Variants in KIT observed in about 807,000 individuals in gnomAD.
The protein encoded by KIT is KIT proto-oncogene, receptor tyrosine kinase.
KIT carries 16 observed loss-of-function variants against 105.7 expected under a neutral mutation model. The ratio of observed to expected loss-of-function variants is 0.15; its 90% CI spans 0.10 to 0.23. The LOEUF is 0.23. KIT is among the 10% of genes least tolerant of loss of function. The pLI is 1.00. For synonymous variants in KIT, 438 were observed against 441.1 expected (o/e 0.99, Z 0.09); for missense variants, 858 against 1,213.8 (o/e 0.71, Z 4.36).
chr4:54,738,357 C>T (rs2109817226), intron 20 of KIT, 72 bp from the exon 21 acceptor site: 2 of 1,558,312 alleles, frequency 1.3e-6, no homozygotes, highest in Non-Finnish European at 1.8e-6. Context: ...GATCTTGACA[C>T]TGTAAGTATG....
chr4:54,723,111 G>C (rs547245345), intron 7 of KIT, among the ~76,000 whole-genome samples: 103 of 152,136 alleles, frequency 6.8e-4, no homozygotes, highest in African/African-American at 2.2e-3. Flanking sequence ...TCATGTAAGA[G>C]CAAAAGAGTG....
chr4:54,680,485 C>T (rs1224041746), intron 1 of KIT, among the ~76,000 whole-genome samples: 1 of 151,010 alleles, frequency 6.6e-6, no homozygotes, highest in Non-Finnish European at 1.5e-5. Context: ...TCCGCCTCCC[C>T]AGTTCAAGCG....
At chr4:54,665,736 A>G (rs1717642753) in intron 1 of KIT, among the ~76,000 whole-genome samples, 2 of 152,126 alleles carry the variant, frequency 1.3e-5, no homozygotes, top group Non-Finnish European at 2.9e-5. Context: ...GGGTTTATTC[A>G]TTGATTATTT....
At chr4:54,727,735 C>T in intron 11 of KIT, 88 bp from the exon 12 acceptor site, 1 of 1,313,754 alleles carries the variant, frequency 7.6e-7, no homozygotes, top group Admixed American at 1.8e-5. Context: ...GTTTTTAATT[C>T]CTTTATTGAT....
chr4:54,718,308 C>T (rs1226068086), intron 7 of KIT, among the ~76,000 whole-genome samples: 1 of 152,170 alleles, frequency 6.6e-6, no homozygotes, highest in African/African-American at 2.4e-5. Flanking sequence ...ACCATGTTGG[C>T]CAGGCTGGTC....
intron 1 of KIT, among the ~76,000 whole-genome samples, chr4:54,660,507 T>C (rs185218543): frequency 2.0e-5 from 3 of 152,312 alleles, no homozygotes; most frequent in East Asian, 1.9e-4. Context: ...CCATTTTTTT[T>C]CTCATGACTC....
At chr4:54,733,998 C>T (rs147585142) in intron 17 of KIT, among the ~76,000 whole-genome samples, 1 of 152,176 alleles carries the variant, frequency 6.6e-6, no homozygotes, top group Non-Finnish European at 1.5e-5. Flanking sequence ...GTAATGTTTT[C>T]CCCCCATCAC....
intron 7 of KIT, among the ~76,000 whole-genome samples, chr4:54,710,823 G>A (rs1241624771): frequency 1.3e-5 from 2 of 152,162 alleles, no homozygotes; most frequent in Non-Finnish European, 2.9e-5. Flanking sequence ...TTATAGGCAT[G>A]AGCCACCGCG....
chr4:54,679,532 G>A (rs1718754829), intron 1 of KIT, among the ~76,000 whole-genome samples: 2 of 152,154 alleles, frequency 1.3e-5, no homozygotes, highest in Non-Finnish European at 2.9e-5. Flanking sequence ...TCTGTTCAGT[G>A]TGGGATGGAG....
chr4:54,731,147 A>G (rs1382356464), intron 14 of KIT, among the ~76,000 whole-genome samples, 181 bp from the exon 15 acceptor site: 13 of 152,212 alleles, frequency 8.5e-5, no homozygotes, highest in Non-Finnish European at 1.8e-4. Context: ...AATATCGATT[A>G]TTAAAAACTC....
chr4:54,690,778 C>T (rs926248430), intron 1 of KIT, among the ~76,000 whole-genome samples: 6 of 152,076 alleles, frequency 3.9e-5, no homozygotes, highest in Non-Finnish European at 7.4e-5. Context: ...TTTTGAAAGG[C>T]GTTCTCTTAA....
chr4:54,729,492 C>T lies in KIT; in HGVS notation c.2141+7C>T, dbSNP rs1360717801. ...ATTCAAAGGAGTCTTCCTGGTAAGA[C>T]TGATTTACATAAATAGTTAGCTGTT... On this transcript the variant is annotated splice_region_variant and intron_variant, in intron 14 of 20. Transcript: ENST00000288135. 2 of 1,612,528 alleles carry T rather than the reference C, an allele frequency of 1.2e-6. No individual in the cohort carries two copies. Among genetic ancestry groups the T allele is most frequent in the Non-Finnish European group, 1.7e-6 (2 of 1,179,382 alleles).
At chr4:54,707,484 GCA>G (rs1037018268) in intron 6 of KIT, among the ~76,000 whole-genome samples, 197 bp downstream of exon 6, 1 of 152,084 alleles carries the variant, frequency 6.6e-6, no homozygotes, top group African/African-American at 2.4e-5. Context: ...GCACACGCAT[GCA>G]CACACACACC....
intron 20 of KIT, 38 bp downstream of exon 20, chr4:54,737,318 C>A (rs1023606435): frequency 2.2e-6 from 3 of 1,350,878 alleles, no homozygotes; most frequent in South Asian, 1.2e-5. Flanking sequence ...TCCCCCTTCT[C>A]CCAGTTCCAG....
At chr4:54,663,393 T>C (rs1717437820) in intron 1 of KIT, among the ~76,000 whole-genome samples, 1 of 152,206 alleles carries the variant, frequency 6.6e-6, no homozygotes, top group African/African-American at 2.4e-5. Context: ...GCATGTAATA[T>C]GCTTAGCATA....
chr4:54,675,086 T>A (rs907927512), intron 1 of KIT, among the ~76,000 whole-genome samples: 10 of 152,218 alleles, frequency 6.6e-5, no homozygotes, highest in Admixed American at 6.5e-4. Flanking sequence ...TGACATGATA[T>A]TAATTTAGAT....
chr4:54,707,849 A>T (rs1720890803), intron 6 of KIT, among the ~76,000 whole-genome samples: 2 of 152,092 alleles, frequency 1.3e-5, no homozygotes, highest in Admixed American at 6.6e-5. Flanking sequence ...AGCCTCACAG[A>T]CTTTGTGAGT....
At chr4:54,709,667 A>T (rs1560404256) in intron 7 of KIT, 128 bp downstream of exon 7, 2 of 720,764 alleles carry the variant, frequency 2.8e-6, no homozygotes, top group African/African-American at 1.7e-5. Context: ...TGACCTTCAC[A>T]GAGACTTCGT....
intron 1 of KIT, among the ~76,000 whole-genome samples, chr4:54,658,668 T>TGG (rs1325511232): frequency 1.3e-5 from 2 of 151,980 alleles, no homozygotes. Context: ...GCGCCACCCG[T>TGG]GGAGACCAAT....
Sources: gnomAD v4.1 joint callset for allele counts (sites outside exome capture counted in the v4.1 genomes callset) on GRCh38, gnomAD v4.1.1 for gene constraint, MANE v1.5 for transcripts, NCBI Gene and HGNC (gene_info 2026-07-23, HGNC 2026-07-21) for gene names.